The following PRSS3 variants were observed in gnomAD, a reference collection of about 807,000 sequenced individuals.
PRSS3 encodes the protein trypsin-3.
PRSS3 carries 14 observed loss-of-function variants against 20.8 expected under a neutral mutation model. That is an observed-to-expected ratio of 0.67 (90% CI 0.44 to 1.05). The LOEUF (loss-of-function observed/expected upper bound fraction) is 1.05, where lower values mean the gene tolerates loss of function less well. PRSS3 is among the 50% of genes least tolerant of loss of function. The pLI is 0.00. For synonymous variants in PRSS3, 91 were observed against 117.6 expected (o/e 0.77, Z 1.46); for missense variants, 237 against 306.4 (o/e 0.77, Z 1.69).
At chr9:33,786,751 A>G (rs1250066286) in intron 1 of PRSS3, 1 of 766,018 alleles carries the variant, frequency 1.3e-6, no homozygotes, top group Non-Finnish European at 2.4e-6. Flanking sequence ...TCAGCCGCCC[A>G]AACCTAACAT....
At chr9:33,754,111 A>G (rs899690307) in intron 1 of PRSS3, among the ~76,000 whole-genome samples, 1 of 148,754 alleles carries the variant, frequency 6.7e-6, no homozygotes, top group Non-Finnish European at 1.5e-5. Context: ...CTTTCTTTTG[A>G]GATGGAGTCT....
intron 1 of PRSS3, among the ~76,000 whole-genome samples, chr9:33,767,228 G>A (rs1235304140): frequency 6.6e-6 from 1 of 152,124 alleles, no homozygotes; most frequent in African/African-American, 2.4e-5. Flanking sequence ...GCCCAGGCAG[G>A]TGGATCACCT....
intron 1 of PRSS3, among the ~76,000 whole-genome samples, chr9:33,780,564 T>G (rs1347962084): frequency 6.6e-6 from 1 of 152,090 alleles, no homozygotes; most frequent in Admixed American, 6.5e-5. Context: ...AATACTAATC[T>G]TGAATATAAA....
chr9:33,755,175 G>T (rs564194086), intron 1 of PRSS3, among the ~76,000 whole-genome samples: 1 of 152,284 alleles, frequency 6.6e-6, no homozygotes, highest in South Asian at 2.1e-4. Flanking sequence ...GAGAAACACC[G>T]AATGTCGGGT....
chr9:33,751,378 C>A (rs965107131), intron 1 of PRSS3, among the ~76,000 whole-genome samples: 4 of 152,142 alleles, frequency 2.6e-5, no homozygotes, highest in South Asian at 2.1e-4. Context: ...TGGATGGAAG[C>A]GGATGTCAGG....
chr9:33,795,437 CCCTGGCAAGGGGAA>C, upstream of PRSS3: 2 of 1,062,864 alleles, frequency 1.9e-6, no homozygotes, highest in Non-Finnish European at 2.7e-6. Flanking sequence ...TGATGCAAGA[CCCTGGCAAGGGGAA>C]AGCTGCAGGT....
At chr9:33,771,637 G>GTTTTTTTTT (rs1183738501) in intron 1 of PRSS3, among the ~76,000 whole-genome samples, 5 of 87,916 alleles carry the variant, frequency 5.7e-5, no homozygotes, top group Admixed American at 1.3e-4. Context: ...TTGTTTTTTT[G>GTTTTTTTTT]TTTTTTTGTT....
chr9:33,781,590 C>T (rs1563963320), intron 1 of PRSS3, among the ~76,000 whole-genome samples: 2 of 152,158 alleles, frequency 1.3e-5, no homozygotes, highest in Admixed American at 6.5e-5. Flanking sequence ...ATGTTTGCTA[C>T]CTGGGTGCAG....
At chr9:33,786,816 G>T in intron 1 of PRSS3, 1 of 755,122 alleles carries the variant, frequency 1.3e-6, no homozygotes, top group South Asian at 1.4e-5. Flanking sequence ...ATATACCTCT[G>T]CAGCGTTGAA....
At chr9:33,792,685 C>T (rs539095066), upstream of PRSS3, among the ~76,000 whole-genome samples, 2 of 152,248 alleles carry the variant, frequency 1.3e-5, no homozygotes, top group South Asian at 4.1e-4. Flanking sequence ...CACTTTACCT[C>T]CAGAAAGCTC....
intron 1 of PRSS3, among the ~76,000 whole-genome samples, chr9:33,768,831 G>A (rs1197023882): frequency 6.6e-6 from 1 of 152,116 alleles, no homozygotes; most frequent in Non-Finnish European, 1.5e-5. Flanking sequence ...ACTCCAGCCT[G>A]GGTGACAGAG....
intron 1 of PRSS3, among the ~76,000 whole-genome samples, chr9:33,755,542 CTTTCT>C (rs1822900859): frequency 2.0e-5 from 3 of 152,110 alleles, no homozygotes; most frequent in Non-Finnish European, 4.4e-5. Context: ...CTTCACATCC[CTTTCT>C]TTTAAGTTCC....
At chr9:33,792,193 T>G (rs1216777675), upstream of PRSS3, among the ~76,000 whole-genome samples, 5 of 151,776 alleles carry the variant, frequency 3.3e-5, no homozygotes, top group African/African-American at 1.2e-4. Flanking sequence ...AAATAATGGA[T>G]GAGGAGAGGA....
At chr9:33,783,363 T>C (rs547554322) in intron 1 of PRSS3, among the ~76,000 whole-genome samples, 14 of 152,320 alleles carry the variant, frequency 9.2e-5, no homozygotes, top group African/African-American at 3.4e-4. Context: ...GAAAAACAGC[T>C]TCAACTCCAG....
rs1472265051 is a variant in PRSS3, at chr9:33,798,637, T to G, written c.591+15T>G. The G allele has an allele frequency of 6.2e-7, 1 of 1,612,626 alleles. No homozygotes were observed. Among genetic ancestry groups the G allele is most frequent in the Non-Finnish European group, 8.5e-7 (1 of 1,179,602 alleles). On this transcript the variant is annotated intron_variant, in intron 4 of 4. Coordinates refer to ENST00000379405, the MANE Select transcript of PRSS3 (RefSeq NM_002771.4). ...ATTCCTGCCAGGTGATTTGACCCTT[T>G]CCCATGCTGAGGCTCCCACCGATAC... is the stretch of plus-strand genomic sequence containing the variant.
intron 1 of PRSS3, among the ~76,000 whole-genome samples, chr9:33,755,443 TTC>T (rs1292034812): frequency 1.3e-5 from 2 of 152,132 alleles, no homozygotes; most frequent in African/African-American, 4.8e-5. Context: ...CCATTTCTTC[TTC>T]TCTTTTCCAG....
Position 33,796,750 on chromosome 9 carries a change from G to A in PRSS3, c.148G>A (p.Gly50Ser), listed in dbSNP as rs1334034583. 1 of 1,613,890 alleles carries A rather than the reference G, an allele frequency of 6.2e-7. No homozygotes were observed. Among genetic ancestry groups the A allele is most frequent in the Admixed American group, 1.7e-5 (1 of 60,002 alleles). Residue 50 changes from glycine (G) to serine (S), a missense_variant, in exon 2 of 5, where the codon GGC becomes AGC. Physicochemically the swap from Gly to Ser is moderately conservative, Grantham distance 56 (BLOSUM62 0). Coordinates refer to ENST00000379405, the MANE Select transcript of PRSS3 (RefSeq NM_002771.4). ...GAATTCTGGCTCCCACTTCTGCGGT[G>A]GCTCCCTCATCAGCGAACAGTGGGT... ...SLNSGSHFCG[G>S]SLISEQWVVS...
chr9:33,771,878 T>C (rs1053702883), intron 1 of PRSS3, among the ~76,000 whole-genome samples: 1 of 149,968 alleles, frequency 6.7e-6, no homozygotes. Context: ...CTTTTCTTTT[T>C]TTTTTTTTTT....
chr9:33,798,373 G>A lies in PRSS3; in HGVS notation c.455-113G>A. ...AGTCCCTTGCCAGAACTTACGTTTT[G>A]GAGTCCTCTCCAGAGGCAGTGTTCC... On this transcript the variant is annotated intron_variant, in intron 3 of 4. Coordinates refer to ENST00000379405, the MANE Select transcript of PRSS3 (RefSeq NM_002771.4). 2.0e-6 allele frequency: 3 copies of A among 1,508,520 alleles called. No homozygotes were observed. In the South Asian group the frequency reaches 3.5e-5, roughly 18 times the overall value. The allele number at this position is 1,508,520 out of a possible 1,614,324, so 93.4% of individuals were successfully genotyped here.
Sources: gnomAD v4.1 joint callset for allele counts (sites outside exome capture counted in the v4.1 genomes callset) on GRCh38, gnomAD v4.1.1 for gene constraint, MANE v1.5 for transcripts, NCBI Gene and HGNC (gene_info 2026-07-23, HGNC 2026-07-21) for gene names.